Variants in MALRD1 observed in about 807,000 individuals in gnomAD.
MALRD1 encodes the protein MAM and LDL receptor class A domain containing 1, also known as MAM and LDL-receptor class A domain-containing protein 1.
MALRD1 carries 247 observed loss-of-function variants against 242.1 expected under a neutral mutation model. The ratio of observed to expected loss-of-function variants is 1.02; its 90% CI spans 0.92 to 1.13. The LOEUF (loss-of-function observed/expected upper bound fraction) is 1.13, where lower values mean the gene tolerates loss of function less well. MALRD1 is among the 50% of genes most tolerant of loss of function. The probability of loss-of-function intolerance (pLI) is 0.00; values close to 1 mark genes in which losing one functional copy is unlikely to be tolerated. For synonymous variants in MALRD1, 995 were observed against 866.6 expected (o/e 1.15, Z -2.60); for missense variants, 2,989 against 2,533.1 (o/e 1.18, Z -3.86).
At chr10:19,622,653 A>T (rs1470510211) in intron 36 of MALRD1, among the ~76,000 whole-genome samples, 1 of 149,544 alleles carries the variant, frequency 6.7e-6, no homozygotes, top group Admixed American at 6.6e-5. Flanking sequence ...CACTGAAAAA[A>T]AAAAAAACAA....
chr10:19,110,096 C>G (rs1836623191), intron 5 of MALRD1, among the ~76,000 whole-genome samples: 1 of 152,204 alleles, frequency 6.6e-6, no homozygotes, highest in African/African-American at 2.4e-5. Flanking sequence ...TGCTATTCCC[C>G]TGCAACACTC....
chr10:19,227,395 G>T (rs1039942906), intron 18 of MALRD1, among the ~76,000 whole-genome samples: 3 of 152,018 alleles, frequency 2.0e-5, no homozygotes, highest in Admixed American at 1.3e-4. Flanking sequence ...TCTTTATAAA[G>T]ATGGTACTAT....
intron 36 of MALRD1, among the ~76,000 whole-genome samples, chr10:19,673,827 ATC>A (rs1842029099): frequency 6.6e-6 from 1 of 151,866 alleles, no homozygotes; most frequent in Admixed American, 6.6e-5. Context: ...CTATTGATAT[ATC>A]TATTTTAATA....
intron 32 of MALRD1, among the ~76,000 whole-genome samples, chr10:19,549,888 C>T (rs1835405711): frequency 1.3e-5 from 2 of 152,208 alleles, no homozygotes; most frequent in Admixed American, 1.3e-4. Flanking sequence ...TATTACATTG[C>T]TCAGCCTTCT....
At chr10:19,336,154 A>C (rs1843603418) in intron 24 of MALRD1, among the ~76,000 whole-genome samples, 1 of 152,228 alleles carries the variant, frequency 6.6e-6, no homozygotes, top group Admixed American at 6.5e-5. Flanking sequence ...AAATAATCTG[A>C]ATAACACTTC....
At chr10:19,194,811 T>C (rs918235559) in intron 14 of MALRD1, among the ~76,000 whole-genome samples, 1 of 152,164 alleles carries the variant, frequency 6.6e-6, no homozygotes, top group East Asian at 1.9e-4. Flanking sequence ...TCAGGCTTTT[T>C]CCCCTGTAAT....
chr10:19,700,595 G>T (rs145118370), intron 38 of MALRD1, among the ~76,000 whole-genome samples: 110 of 152,204 alleles, frequency 7.2e-4, no homozygotes, highest in Non-Finnish European at 1.3e-3. Flanking sequence ...CTCAAGTCTT[G>T]GTCTCTGCTA....
chr10:19,110,249 A>G (rs1836629933), intron 5 of MALRD1, among the ~76,000 whole-genome samples: 1 of 152,176 alleles, frequency 6.6e-6, no homozygotes, highest in African/African-American at 2.4e-5. Context: ...GGTTTTTAAC[A>G]TCCCTTCTGT....
At chr10:19,534,610 C>G (rs955323248) in intron 32 of MALRD1, among the ~76,000 whole-genome samples, 2 of 151,928 alleles carry the variant, frequency 1.3e-5, no homozygotes, top group East Asian at 3.9e-4. Flanking sequence ...AAAACAAGTC[C>G]TTTTTCCCCC....
In MALRD1 at chr10:19,205,046, C is replaced by A. The variant is rs1400273561; in HGVS notation, c.2359C>A (p.Pro787Thr). The A allele has an allele frequency of 6.4e-7, 1 of 1,550,710 alleles. No individual in the cohort carries two copies. Among genetic ancestry groups the A allele is most frequent in the Admixed American group, 2.0e-5 (1 of 50,984 alleles). Residue 787 changes from proline to threonine, a missense_variant, in exon 17 of 40, where the codon CCC becomes ACC. Pro to Thr is a conservative substitution (Grantham distance 38, BLOSUM62 -1). Coordinates refer to ENST00000454679, the MANE Select transcript of MALRD1 (RefSeq NM_001142308.3). ...ATIQLGRLSQ[P>T]FHLSLDKVSL... ...CATTCAGCTAGGGCGCCTTTCGCAG[C>A]CCTTCCATTTGTCACTAGATAAAGT...
At chr10:19,237,534 AT>A (rs1294329078) in intron 18 of MALRD1, among the ~76,000 whole-genome samples, 4 of 115,968 alleles carry the variant, frequency 3.4e-5, no homozygotes, top group South Asian at 2.7e-4. Flanking sequence ...ATATATATAT[AT>A]AATTTTATGT....
intron 21 of MALRD1, among the ~76,000 whole-genome samples, chr10:19,297,912 G>A (rs1841779881): frequency 6.6e-6 from 1 of 151,848 alleles, no homozygotes; most frequent in African/African-American, 2.4e-5. Flanking sequence ...CAAAGCGATG[G>A]CTACACCCAA....
chr10:19,656,014 G>A (rs1420251193), intron 36 of MALRD1, among the ~76,000 whole-genome samples: 1 of 152,130 alleles, frequency 6.6e-6, no homozygotes, highest in East Asian at 1.9e-4. Flanking sequence ...ATTGTAGATA[G>A]TAATGGAACC....
chr10:19,103,728 G>T (rs1215295996), intron 4 of MALRD1, among the ~76,000 whole-genome samples: 2 of 152,076 alleles, frequency 1.3e-5, no homozygotes, highest in East Asian at 3.9e-4. Context: ...AAATCTAGGT[G>T]AGTATTGCTG....
intron 21 of MALRD1, among the ~76,000 whole-genome samples, chr10:19,304,414 C>T (rs1335681886): frequency 6.6e-6 from 1 of 151,606 alleles, no homozygotes; most frequent in Non-Finnish European, 1.5e-5. Context: ...CCTATTGTTA[C>T]TGTTTCTCTG....
chr10:19,607,338 C>T (rs1408453095), intron 34 of MALRD1, among the ~76,000 whole-genome samples: 2 of 152,136 alleles, frequency 1.3e-5, no homozygotes, highest in Admixed American at 1.3e-4. Flanking sequence ...GGTTTGGTGT[C>T]TCCTAAGGCC....
intron 26 of MALRD1, among the ~76,000 whole-genome samples, chr10:19,386,932 G>A (rs902157857): frequency 6.6e-6 from 1 of 152,084 alleles, no homozygotes; most frequent in East Asian, 1.9e-4. Context: ...AATCTCTATG[G>A]TTGGCATTGC....
chr10:19,400,665 T>A (rs1373248396), intron 28 of MALRD1, among the ~76,000 whole-genome samples: 1 of 152,096 alleles, frequency 6.6e-6, no homozygotes, highest in Non-Finnish European at 1.5e-5. Context: ...ACTGAAAGTG[T>A]TTAGAAGAAA....
chr10:19,284,341 G>A (rs149166690), intron 21 of MALRD1, among the ~76,000 whole-genome samples: 2,101 of 150,090 alleles, frequency 0.014, 47 homozygotes, highest in African/African-American at 0.048. Context: ...ACGCTGGTGC[G>A]CTGCACCCAC....
Sources: allele counts gnomAD v4.1 joint callset (sites outside exome capture counted in the v4.1 genomes callset), GRCh38; gene constraint gnomAD v4.1.1; transcripts MANE v1.5; gene names NCBI Gene and HGNC (gene_info 2026-07-23, HGNC 2026-07-21).